Variants in AMPD3 observed in about 807,000 individuals in gnomAD.
The protein encoded by AMPD3 is AMP deaminase 3.
A neutral mutation model predicts 82.3 loss-of-function variants in AMPD3; 57 were observed. The observed-to-expected ratio is 0.69, with a 90% CI of 0.56 to 0.86. AMPD3 has a LOEUF of 0.86. Ranked by LOEUF, AMPD3 falls within the 40% of genes least tolerant of loss-of-function variation. The pLI is 0.00. For synonymous variants in AMPD3, 381 were observed against 394.7 expected (o/e 0.97, Z 0.41); for missense variants, 870 against 1,003.8 (o/e 0.87, Z 1.80).
chr11:10,502,446 C>G, intron 12 of AMPD3: 1 of 985,466 alleles, frequency 1.0e-6, no homozygotes, highest in Non-Finnish European at 1.2e-6. Flanking sequence ...TGCCCTGAGC[C>G]TTGCCTCCAG....
intron 10 of AMPD3, chr11:10,497,602 A>C (rs72857499): frequency 1.0e-6 from 1 of 984,912 alleles, no homozygotes; most frequent in Admixed American, 6.1e-5. Flanking sequence ...GGGCACGGGG[A>C]AAGAATTGAG....
chr11:10,456,263 C>T lies in AMPD3; in HGVS notation c.-6+815C>T. 1 of 1,560,822 alleles carries T rather than the reference C, an allele frequency of 6.4e-7. No homozygotes were observed. The highest frequency in any genetic ancestry group is 2.3e-5 in the East Asian group (1 of 44,090). On this transcript the variant is annotated intron_variant, in intron 1 of 14. Coordinates refer to ENST00000396553, the MANE Select transcript of AMPD3 (RefSeq NM_001025389.2). This position sits in a 1 kb window ranked among gnomAD's most constrained non-coding sequence, Gnocchi z 4.3. ...TCACAGATATGCAAAACAGAGACCT[C>T]CTACTCCAGCCGGCAGACAGGACCC...
chr11:10,492,535 C>T (rs1022841053), intron 6 of AMPD3, among the ~76,000 whole-genome samples: 1 of 152,134 alleles, frequency 6.6e-6, no homozygotes, highest in Non-Finnish European at 1.5e-5. Context: ...TTTGATGGGC[C>T]CTCAGGGTTA....
chr11:10,473,005 A>G (rs775007398), intron 2 of AMPD3, among the ~76,000 whole-genome samples: 14 of 151,986 alleles, frequency 9.2e-5, no homozygotes, highest in Non-Finnish European at 1.6e-4. Context: ...CTCTGTCTTG[A>G]AAAAGAAAAA....
intron 3 of AMPD3, chr11:10,481,337 A>G (rs1564846958): frequency 3.1e-6 from 2 of 652,090 alleles, no homozygotes; most frequent in Non-Finnish European, 3.8e-6. Flanking sequence ...AATTTTCTCA[A>G]CTGAAAATGA....
In AMPD3 at chr11:10,502,812, A is replaced by C. The variant is rs1411242117; in HGVS notation, c.1934A>C (p.Lys645Thr). 6.2e-7 allele frequency: 1 copy of C among 1,614,052 alleles called. No homozygotes were observed. Among genetic ancestry groups the C allele is most frequent in the Admixed American group, 1.7e-5 (1 of 60,012 alleles). Residue 645 changes from lysine (K) to threonine (T), a missense_variant, in exon 13 of 15, where the codon AAG becomes ACG. By Grantham distance (78) the Lys-to-Thr change is moderately conservative (BLOSUM62 -1). Transcript: ENST00000396553. ...SNNSLFLEYS[K>T]NPLREFLHKG... Reference sequence around the variant, plus strand: ...AACAGTTTGTTCCTCGAATATTCCAAGAACCCTCTGAGGGAATTCCTACAC... The same window carrying C: ...AACAGTTTGTTCCTCGAATATTCCACGAACCCTCTGAGGGAATTCCTACAC...
intron 10 of AMPD3, chr11:10,497,608 T>G (rs773633914): frequency 9.1e-6 from 9 of 985,190 alleles, no homozygotes; most frequent in Non-Finnish European, 1.1e-5. Context: ...GGGGAAAGAA[T>G]TGAGTCTGTG....
At chr11:10,501,265 G>A (rs779221474) in intron 11 of AMPD3, 226 of 985,234 alleles carry the variant, frequency 2.3e-4, no homozygotes, top group African/African-American at 3.5e-4. Flanking sequence ...CTCTCTGCCC[G>A]TAGAGGTGAT....
intron 2 of AMPD3, among the ~76,000 whole-genome samples, chr11:10,476,564 C>T (rs1848745387): frequency 6.6e-6 from 1 of 151,930 alleles, no homozygotes; most frequent in Non-Finnish European, 1.5e-5. Flanking sequence ...TAGGACCAGA[C>T]CTCAGGCAGC....
At chr11:10,497,752 G>C in intron 10 of AMPD3, 1 of 985,304 alleles carries the variant, frequency 1.0e-6, no homozygotes, top group Non-Finnish European at 1.2e-6. Context: ...AGAGTCAGGG[G>C]CCTGCCTGGA....
Position 10,495,243 on chromosome 11 carries a change from G to T in AMPD3, c.1266+213G>T, listed in dbSNP as rs549694437. On this transcript the variant is annotated intron_variant, in intron 8 of 14. Transcript: ENST00000396553. ...CCAACTGCAGGAAAGAGGAGGGAAG[G>T]GTATCCACCTTGGCCAAGCTCACAG... 1.8e-5 allele frequency: 18 copies of T among 985,416 alleles called. No homozygotes were observed. In the African/African-American group the frequency reaches 1.9e-4, roughly 11 times the overall value. 61.0% of individuals were successfully genotyped at this position (985,416 alleles called of 1,614,324 possible).
intron 1 of AMPD3, among the ~76,000 whole-genome samples, chr11:10,460,064 A>T (rs1848217953): frequency 7.0e-6 from 1 of 143,560 alleles, no homozygotes; most frequent in Non-Finnish European, 1.5e-5. Context: ...TATAATATAT[A>T]TTATATATAA....
intron 2 of AMPD3, among the ~76,000 whole-genome samples, chr11:10,473,777 C>G (rs945455921): frequency 1.3e-5 from 2 of 152,128 alleles, no homozygotes; most frequent in East Asian, 3.9e-4. Context: ...ATGGGGGTCC[C>G]AATTCCAGGT....
At chr11:10,465,266 C>A (rs967683386) in intron 2 of AMPD3, among the ~76,000 whole-genome samples, 3 of 152,150 alleles carry the variant, frequency 2.0e-5, no homozygotes, top group Admixed American at 2.0e-4. Flanking sequence ...TAACACACCT[C>A]TGAGATCATA....
chr11:10,487,931 C>G (rs1564850635), intron 6 of AMPD3, among the ~76,000 whole-genome samples: 1 of 151,738 alleles, frequency 6.6e-6, no homozygotes, highest in Non-Finnish European at 1.5e-5. Flanking sequence ...ACCTATGTAA[C>G]AAACCTGCAC....
intron 4 of AMPD3, among the ~76,000 whole-genome samples, chr11:10,482,520 T>C (rs11042837): frequency 0.054 from 8,167 of 151,800 alleles, 274 homozygotes; most frequent in Non-Finnish European, 0.082. Context: ...ATTTTTTTTT[T>C]CTTTTTTTTT....
At chr11:10,451,158 C>T, upstream of AMPD3, 2 of 1,500,674 alleles carry the variant, frequency 1.3e-6, no homozygotes, top group Admixed American at 2.1e-5. Context: ...CTTCCCTGCT[C>T]GCAGAGGCGG....
At position 10,496,688 on chromosome 11, in the gene AMPD3, A is replaced by G. The variant is rs1018321614; in HGVS notation, c.1431-124A>G. On this transcript the variant is annotated intron_variant, in intron 9 of 14. Transcript: ENST00000396553. Reference sequence around the variant, plus strand: ...GAGGAGGGATCTGTTTTCTGGTCCCATCTGACTTGATTCTGGGTGTTTGAT... The same window carrying G: ...GAGGAGGGATCTGTTTTCTGGTCCCGTCTGACTTGATTCTGGGTGTTTGAT... 27 of 1,537,756 alleles carry G rather than the reference A, an allele frequency of 1.8e-5. No individual in the cohort carries two copies. In the African/African-American group the frequency reaches 3.1e-4, roughly 18 times the overall value.
At chr11:10,451,168 G>T, upstream of AMPD3, 1 of 1,490,052 alleles carries the variant, frequency 6.7e-7, no homozygotes, top group Non-Finnish European at 8.9e-7. Context: ...CGCAGAGGCG[G>T]TGGCGCTGAC....
Sources: allele counts gnomAD v4.1 joint callset (sites outside exome capture counted in the v4.1 genomes callset), GRCh38; gene constraint gnomAD v4.1.1; non-coding constraint Gnocchi (gnomAD v3.1); transcripts MANE v1.5; gene names NCBI Gene and HGNC (gene_info 2026-07-23, HGNC 2026-07-21).